Variants in IQGAP1 observed in about 807,000 individuals in gnomAD.
IQGAP1 encodes the protein ras GTPase-activating-like protein IQGAP1.
Under a neutral mutation model 215.6 loss-of-function variants are expected in IQGAP1, and 66 were observed. That is an observed-to-expected ratio of 0.31 (90% CI 0.25 to 0.38). IQGAP1 has a LOEUF of 0.38. IQGAP1 is among the 10% of genes least tolerant of loss of function. The pLI is 1.00. For missense variants in IQGAP1, 1,712 were observed against 1,997.1 expected (o/e 0.86, Z 2.72); for synonymous variants, 772 against 728.7 (o/e 1.06, Z -0.96).
At chr15:90,484,133 C>T in intron 29 of IQGAP1, 87 bp from the exon 30 acceptor site, 1 of 1,186,394 alleles carries the variant, frequency 8.4e-7, no homozygotes. Flanking sequence ...TGTTTGCACT[C>T]ATTGTGTGAG....
intron 11 of IQGAP1, 27 bp from the exon 12 acceptor site, chr15:90,452,748 C>A: frequency 6.2e-7 from 1 of 1,611,074 alleles, no homozygotes; most frequent in Non-Finnish European, 8.5e-7. Context: ...AAGCCCACTG[C>A]GTTTCTGACT....
intron 1 of IQGAP1, 115 bp downstream of exon 1, chr15:90,388,511 G>C: frequency 1.1e-6 from 1 of 929,346 alleles, no homozygotes; most frequent in Non-Finnish European, 1.5e-6. Flanking sequence ...CGGCAGCTCG[G>C]ACCCGGAAGA....
intron 33 of IQGAP1, 99 bp downstream of exon 33, chr15:90,487,681 A>G (rs1966146214): frequency 8.9e-6 from 7 of 786,652 alleles, no homozygotes; most frequent in Non-Finnish European, 1.5e-5. Flanking sequence ...AACAGTTGGT[A>G]GCCTAGGGGT....
chr15:90,481,107 C>T (rs1008266269), intron 26 of IQGAP1, among the ~76,000 whole-genome samples: 3 of 152,064 alleles, frequency 2.0e-5, no homozygotes, highest in Admixed American at 1.3e-4. Flanking sequence ...GGAAGAGCCA[C>T]GCTCCCTGCA....
chr15:90,454,338 C>T, intron 13 of IQGAP1, 90 bp from the exon 14 acceptor site: 1 of 1,502,898 alleles, frequency 6.7e-7, no homozygotes, highest in Non-Finnish European at 9.2e-7. Context: ...GAGAATATAT[C>T]AAATGGTTGG....
intron 30 of IQGAP1, 68 bp downstream of exon 30, chr15:90,484,420 T>C: frequency 7.4e-7 from 1 of 1,354,318 alleles, no homozygotes; most frequent in Non-Finnish European, 1.0e-6. Context: ...CTGCTTATCA[T>C]CTCTGGTAGC....
intron 2 of IQGAP1, among the ~76,000 whole-genome samples, chr15:90,415,384 AAG>A (rs1965030778): frequency 6.6e-6 from 1 of 152,198 alleles, no homozygotes; most frequent in Non-Finnish European, 1.5e-5. Flanking sequence ...TTTCCTGTTA[AAG>A]TTTTATTTAG....
In IQGAP1 at chr15:90,487,015, T is replaced by C; in HGVS notation, c.4086T>C (p.Ser1362=). 6.2e-7 allele frequency: 1 copy of C among 1,614,088 alleles called. No homozygotes were observed. The highest frequency in any genetic ancestry group is 8.5e-7 in the Non-Finnish European group (1 of 1,179,968). The part of the protein sequence containing the change: ...NKEALAKTEV[S]LTLTNKFDVP... ...AGGCACTGGCTAAGACGGAAGTGTC[T>C]CTCACCCTGACCAACAAGTTCGACG... The change falls in exon 32 of 38, where the codon TCT becomes TCC. Residue 1362 remains serine, a synonymous_variant. Coordinates refer to ENST00000268182, the MANE Select transcript of IQGAP1 (RefSeq NM_003870.4).
rs1009825628 is a variant in IQGAP1, at chr15:90,474,792, T to C, written c.2784+99T>C. Reference sequence around the variant, plus strand: ...TGGTGGGGAGGGTGGAGGCTGACTTTCTCCTCAGCTACTGCCATAAGAGCT... The same window carrying C: ...TGGTGGGGAGGGTGGAGGCTGACTTCCTCCTCAGCTACTGCCATAAGAGCT... On this transcript the variant is annotated intron_variant, in intron 23 of 37. Coordinates refer to ENST00000268182, the MANE Select transcript of IQGAP1 (RefSeq NM_003870.4). 36 of 884,366 alleles carry C rather than the reference T, an allele frequency of 4.1e-5. No homozygotes were observed. In the South Asian group the frequency reaches 4.7e-4, roughly 12 times the overall value. The allele number at this position is 884,366 out of a possible 1,614,324, so 54.8% of individuals were successfully genotyped here.
At chr15:90,429,838 T>C (rs538978819) in intron 4 of IQGAP1, 172 bp downstream of exon 4, 1 of 479,296 alleles carries the variant, frequency 2.1e-6, no homozygotes, top group East Asian at 3.4e-5. Context: ...TCTTTTTCTT[T>C]TATAATCCTC....
At chr15:90,416,735 G>A (rs1485593335) in intron 2 of IQGAP1, among the ~76,000 whole-genome samples, 3 of 151,948 alleles carry the variant, frequency 2.0e-5, no homozygotes, top group South Asian at 2.1e-4. Context: ...CCGCCACCAC[G>A]CCCAGCTAAT....
At chr15:90,418,131 A>G (rs1965079279) in intron 2 of IQGAP1, among the ~76,000 whole-genome samples, 2 of 152,226 alleles carry the variant, frequency 1.3e-5, no homozygotes, top group Admixed American at 1.3e-4. Context: ...ATTCAGCACA[A>G]CGTTATACCA....
At position 90,472,844 on chromosome 15, in the gene IQGAP1, C is replaced by G; in HGVS notation, c.2183C>G (p.Ser728Cys). The G allele has an allele frequency of 6.2e-7, 1 of 1,602,394 alleles. No individual in the cohort carries two copies. Among genetic ancestry groups the G allele is most frequent in the Non-Finnish European group, 8.5e-7 (1 of 1,173,794 alleles). The change falls in exon 19 of 38, where the codon TCT (serine) becomes TGT (cysteine). Residue 728 changes from serine to cysteine, a missense_variant. Ser to Cys is a moderately radical substitution (Grantham distance 112). Around this residue, in one of 2 missense-constraint regions of IQGAP1, gnomAD observed 1,021 missense variants for 1,074.2 expected, o/e 0.95. Transcript: ENST00000268182. ...ATGTGACCACTGCTTTTTCAGAGTTCTATCTCTGGGGTGACTGCCGCATAT... is the reference window on the plus strand; with the variant it reads ...ATGTGACCACTGCTTTTTCAGAGTTGTATCTCTGGGGTGACTGCCGCATAT... ...MQLSREEIQS[S>C]ISGVTAAYNR... is the part of the protein sequence containing the mutation.
chr15:90,396,260 G>C (rs1964717528), intron 2 of IQGAP1, among the ~76,000 whole-genome samples: 1 of 152,104 alleles, frequency 6.6e-6, no homozygotes, highest in African/African-American at 2.4e-5. Flanking sequence ...ATGAATGTTG[G>C]GATATGTCCA....
At chr15:90,419,394 C>T (rs2526000) in intron 2 of IQGAP1, among the ~76,000 whole-genome samples, 87,692 of 152,046 alleles carry the variant, frequency 0.58, 27,171 homozygotes, top group East Asian at 0.83. Flanking sequence ...ATGAGTCATT[C>T]TATGTTACTT....
intron 15 of IQGAP1, among the ~76,000 whole-genome samples, chr15:90,465,464 A>G (rs1157391385): frequency 6.6e-6 from 1 of 152,144 alleles, no homozygotes; most frequent in Non-Finnish European, 1.5e-5. Flanking sequence ...TCATCTTTAT[A>G]TAATCTTCAC....
intron 14 of IQGAP1, 108 bp from the exon 15 acceptor site, chr15:90,456,044 C>A: frequency 1.1e-6 from 1 of 891,124 alleles, no homozygotes; most frequent in Non-Finnish European, 1.7e-6. Context: ...CAGTTTGAAT[C>A]ATGGTTACTC....
At chr15:90,409,999 TG>T in intron 2 of IQGAP1, among the ~76,000 whole-genome samples, 1 of 152,356 alleles carries the variant, frequency 6.6e-6, no homozygotes, top group Middle Eastern at 3.4e-3. Context: ...TAGGGTTGTT[TG>T]TTTTTTTCTT....
Position 90,424,998 on chromosome 15 carries a change from G to A in IQGAP1, c.156-1112G>A, listed in dbSNP as rs552014976. 7.7e-4 allele frequency among the ~76,000 whole-genome samples: 117 copies of A among 152,140 alleles called. 3 individuals are homozygous for A. The South Asian group carries it at 0.024, about 31-fold the overall frequency. On this transcript the variant is annotated intron_variant, in intron 2 of 37. Coordinates refer to ENST00000268182, the MANE Select transcript of IQGAP1 (RefSeq NM_003870.4). ...TTTCCTTCGATATTCACAGGATTCT[G>A]TGGCTCAGTGGTTGAAAACTGTTGC... is the stretch of plus-strand genomic sequence containing the variant.
Sources: gnomAD v4.1 joint callset for allele counts (sites outside exome capture counted in the v4.1 genomes callset) on GRCh38, gnomAD v4.1.1 for gene constraint, gnomAD v4.1.1 regional missense constraint, MANE v1.5 for transcripts, NCBI Gene and HGNC (gene_info 2026-07-23, HGNC 2026-07-21) for gene names.